The following RARB variants were observed in gnomAD, a reference collection of about 807,000 sequenced individuals.
RARB encodes retinoic acid receptor beta.
RARB carries 17 observed loss-of-function variants against 51.9 expected under a neutral mutation model. The observed-to-expected ratio is 0.33, with a 90% CI of 0.22 to 0.49. RARB has a LOEUF of 0.49. Ranked by LOEUF, RARB falls within the 20% of genes least tolerant of loss-of-function variation. RARB has a pLI of 0.99. For synonymous variants in RARB, 215 were observed against 195.4 expected, an observed-to-expected ratio of 1.10 and a Z score of -0.84; for missense variants, 369 against 550.8, an observed-to-expected ratio of 0.67 and a Z score of 3.30.
Position 24,966,950 on chromosome 3 carries a change from G to A in RARB, c.-379-93175G>A, listed in dbSNP as rs116336229. Among the ~76,000 whole-genome samples, 1,231 of 152,044 alleles carry A rather than the reference G, an allele frequency of 8.1e-3. 14 individuals are homozygous for A. The highest frequency in any genetic ancestry group is 0.028 in the African/African-American group (1,147 of 41,480). On this transcript the variant is annotated intron_variant, in intron 2 of 11. Coordinates refer to the RARB transcript ENST00000383772. ...CATTTTCATTTTCCATACTTGGCTC[G>A]TCCTGGAAAGCTTTCTATCATGGAA...
intron 4 of RARB, among the ~76,000 whole-genome samples, chr3:25,145,042 A>G (rs946087344): frequency 6.6e-6 from 1 of 152,210 alleles, no homozygotes; most frequent in Non-Finnish European, 1.5e-5. Context: ...TGTGGGCTCT[A>G]TCGTCAGTGG....
intron 5 of RARB, among the ~76,000 whole-genome samples, chr3:25,357,655 T>G (rs1483096002): frequency 2.6e-5 from 4 of 152,338 alleles, no homozygotes; most frequent in Middle Eastern, 6.8e-3. Flanking sequence ...GTCTTACATT[T>G]AAATCTTTAA....
At position 25,336,858 on chromosome 3, in the gene RARB, G is replaced by A. The variant is rs576310891; in HGVS notation, c.179-124335G>A. Among the ~76,000 whole-genome samples the A allele has an allele frequency of 2.6e-5, 4 of 152,228 alleles. 1 individual carries two copies. The South Asian group carries it at 6.2e-4, about 24-fold the overall frequency. On this transcript the variant is annotated intron_variant, in intron 5 of 11. Coordinates refer to the RARB transcript ENST00000383772. The stretch of plus-strand genomic sequence containing the variant: ...TTGACGCTGTAGAACGGCTCACTTG[G>A]GAGACCCAGAGTGTCCTGCTGTGCT...
At chr3:25,159,154 CTTTTTTTT>C (rs397874262) in intron 4 of RARB, among the ~76,000 whole-genome samples, 2 of 65,304 alleles carry the variant, frequency 3.1e-5, no homozygotes, top group Admixed American at 1.7e-4. Context: ...TCCAAATTGT[CTTTTTTTT>C]TTTTTTTTTT....
intron 1 of RARB, among the ~76,000 whole-genome samples, chr3:25,442,294 C>T (rs1424267328): frequency 2.0e-5 from 3 of 152,034 alleles, no homozygotes; most frequent in Admixed American, 2.0e-4. Context: ...CGCTACCACG[C>T]CCAGCTAATT....
At chr3:25,455,678 G>A (rs1694872314) in intron 1 of RARB, among the ~76,000 whole-genome samples, 2 of 152,214 alleles carry the variant, frequency 1.3e-5, no homozygotes, top group Admixed American at 1.3e-4. Context: ...CACTGGTGCT[G>A]ACTGTGCTCT....
chr3:25,471,016 A>G (rs1032020052), intron 2 of RARB, among the ~76,000 whole-genome samples: 3 of 152,236 alleles, frequency 2.0e-5, no homozygotes, highest in Non-Finnish European at 2.9e-5. Context: ...GTAGTTATAA[A>G]TAACGCATAA....
chr3:25,429,595 T>C (rs1320124463), intron 1 of RARB, among the ~76,000 whole-genome samples: 1 of 152,196 alleles, frequency 6.6e-6, no homozygotes, highest in Non-Finnish European at 1.5e-5. Context: ...ATTATTTCCA[T>C]ATCTTGCAGT....
At chr3:25,363,791 A>G (rs922360390) in intron 5 of RARB, among the ~76,000 whole-genome samples, 4 of 152,130 alleles carry the variant, frequency 2.6e-5, no homozygotes, top group African/African-American at 7.2e-5. Flanking sequence ...TCAAAGTCCT[A>G]CATGATCTGT....
chr3:25,087,367 G>C (rs991009263), intron 3 of RARB, among the ~76,000 whole-genome samples: 1 of 152,000 alleles, frequency 6.6e-6, no homozygotes, highest in African/African-American at 2.4e-5. Flanking sequence ...ATATATATTT[G>C]ATTTTTTTAC....
intron 4 of RARB, among the ~76,000 whole-genome samples, chr3:25,154,262 A>C (rs1158609232): frequency 1.3e-5 from 2 of 152,238 alleles, no homozygotes; most frequent in East Asian, 3.8e-4. Flanking sequence ...AACTACGTTC[A>C]TCCTTTCTGA....
At chr3:25,285,819 C>G (rs1478067660) in intron 5 of RARB, among the ~76,000 whole-genome samples, 1 of 152,134 alleles carries the variant, frequency 6.6e-6, no homozygotes, top group Non-Finnish European at 1.5e-5. Context: ...ACAATATGTT[C>G]CATTTTAGAC....
intron 2 of RARB, among the ~76,000 whole-genome samples, chr3:25,046,812 T>C (rs768690574): frequency 2.0e-5 from 3 of 152,218 alleles, no homozygotes; most frequent in Non-Finnish European, 4.4e-5. Flanking sequence ...GCTTGACTAA[T>C]AGTTAATATA....
intron 5 of RARB, among the ~76,000 whole-genome samples, chr3:25,285,719 A>G (rs1575283821): frequency 6.6e-6 from 1 of 152,330 alleles, no homozygotes; most frequent in East Asian, 1.9e-4. Context: ...CAGTGTGACT[A>G]TGCCCATTTT....
intron 1 of RARB, among the ~76,000 whole-genome samples, chr3:25,450,933 A>T (rs1368146769): frequency 1.3e-5 from 2 of 152,104 alleles, no homozygotes; most frequent in East Asian, 1.9e-4. Flanking sequence ...AAAAATACAA[A>T]AAAATAGCCG....
intron 1 of RARB, among the ~76,000 whole-genome samples, chr3:25,444,673 C>T (rs572175007): frequency 1.3e-5 from 2 of 152,252 alleles, no homozygotes; most frequent in African/African-American, 2.4e-5. Context: ...GTGTCCAGTA[C>T]GGGCAGGAAG....
chr3:25,409,230 T>C (rs1707494442), intron 5 of RARB, among the ~76,000 whole-genome samples: 1 of 152,106 alleles, frequency 6.6e-6, no homozygotes, highest in African/African-American at 2.4e-5. Flanking sequence ...TTCACTGACA[T>C]AAGAAAAAAA....
intron 3 of RARB, among the ~76,000 whole-genome samples, chr3:25,114,545 C>G (rs932221359): frequency 8.5e-5 from 13 of 152,194 alleles, no homozygotes; most frequent in African/African-American, 3.1e-4. Context: ...TTCCCACTTG[C>G]CACCACCTCC....
At chr3:25,370,567 A>G (rs1486363948) in intron 5 of RARB, among the ~76,000 whole-genome samples, 2 of 152,192 alleles carry the variant, frequency 1.3e-5, no homozygotes, top group Non-Finnish European at 2.9e-5. Flanking sequence ...TGGAGAGCGT[A>G]ACTAGTCCCT....
Sources: allele counts gnomAD v4.1 joint callset (sites outside exome capture counted in the v4.1 genomes callset), GRCh38; gene constraint gnomAD v4.1.1; transcripts MANE v1.5; gene names NCBI Gene and HGNC (gene_info 2026-07-23, HGNC 2026-07-21).